The following TC2N variants were observed in gnomAD, a reference collection of about 807,000 sequenced individuals.
TC2N encodes the protein tandem C2 domains nuclear protein.
A neutral mutation model predicts 61.9 loss-of-function variants in TC2N; 51 were observed. That is an observed-to-expected ratio of 0.82 (90% CI 0.66 to 1.04). The LOEUF is 1.04. Among genes scored for constraint, TC2N ranks in the 50% least tolerant of loss-of-function variants. The pLI, the probability that TC2N is intolerant of heterozygous loss-of-function variation, is 0.00. For synonymous variants in TC2N, 204 were observed against 192.6 expected (o/e 1.06, Z -0.49); for missense variants, 556 against 566.7 (o/e 0.98, Z 0.19).
intron 1 of TC2N, among the ~76,000 whole-genome samples, chr14:91,816,937 G>A (rs1338102774): frequency 6.6e-6 from 1 of 151,706 alleles, no homozygotes; most frequent in Admixed American, 6.6e-5. Context: ...GTTATAACAT[G>A]TAGCAAGACA....
chr14:91,849,580 C>T (rs919638015), intron 1 of TC2N, among the ~76,000 whole-genome samples: 13 of 152,194 alleles, frequency 8.5e-5, no homozygotes, highest in Admixed American at 7.2e-4. Context: ...TAAGTTAATA[C>T]ATGTTTAGTT....
intron 10 of TC2N, among the ~76,000 whole-genome samples, chr14:91,786,596 C>T (rs1362816733): frequency 3.3e-5 from 5 of 152,130 alleles, no homozygotes; most frequent in Admixed American, 2.0e-4. Context: ...CTTTCAACTG[C>T]TGAATTTCTC....
chr14:91,825,472 T>C (rs566583472), intron 1 of TC2N, among the ~76,000 whole-genome samples: 1 of 152,292 alleles, frequency 6.6e-6, no homozygotes, highest in South Asian at 2.1e-4. Context: ...GCTGCTAAGG[T>C]CCTTCGTCTG....
At chr14:91,803,664 C>T (rs1350920175) in intron 3 of TC2N, among the ~76,000 whole-genome samples, 1 of 152,060 alleles carries the variant, frequency 6.6e-6, no homozygotes, top group Non-Finnish European at 1.5e-5. Flanking sequence ...ACCATGTTGG[C>T]CAGGCTGGTC....
At chr14:91,810,931 A>C (rs150744255) in intron 3 of TC2N, among the ~76,000 whole-genome samples, 269 of 152,262 alleles carry the variant, frequency 1.8e-3, no homozygotes, top group Non-Finnish European at 3.1e-3. Context: ...GTATAATCGG[A>C]ATCCCAGAAG....
rs563239400 is a variant in TC2N, at chr14:91,838,249, C to A, written c.-56-24424G>T. Among the ~76,000 whole-genome samples the A allele has an allele frequency of 4.6e-5, 7 of 151,228 alleles. No individual in the cohort carries two copies. The South Asian group carries it at 1.5e-3, about 32-fold the overall frequency. ...TCTCAAACTCCTGGGCTCCAGCCAT[C>A]CTCCCACCTCAGCCTCCCAAGTGTG... On this transcript the variant is annotated intron_variant, in intron 1 of 11. Transcript: ENST00000435962.
intron 5 of TC2N, among the ~76,000 whole-genome samples, chr14:91,799,742 AC>A (rs1410324211): frequency 6.6e-6 from 1 of 152,008 alleles, no homozygotes; most frequent in Non-Finnish European, 1.5e-5. Context: ...CATTGCACTT[AC>A]TCTGAGTTAT....
intron 1 of TC2N, among the ~76,000 whole-genome samples, chr14:91,843,976 G>A (rs1013578942): frequency 6.6e-5 from 10 of 152,062 alleles, no homozygotes; most frequent in Admixed American, 5.2e-4. Context: ...ATGATGTTGG[G>A]ATAGTTTTTG....
intron 1 of TC2N, among the ~76,000 whole-genome samples, chr14:91,858,036 G>T (rs2139924223): frequency 1.3e-5 from 2 of 152,184 alleles, no homozygotes; most frequent in East Asian, 3.9e-4. Flanking sequence ...TGCCATCATG[G>T]CTCATTGCAG....
At chr14:91,807,161 G>A (rs1307898016) in intron 3 of TC2N, among the ~76,000 whole-genome samples, 1 of 152,244 alleles carries the variant, frequency 6.6e-6, no homozygotes, top group East Asian at 1.9e-4. Context: ...ATGCCTGGAT[G>A]TCCAGGCAAA....
intron 10 of TC2N, 32 bp from the exon 11 acceptor site, chr14:91,785,393 G>T: frequency 6.4e-7 from 1 of 1,551,364 alleles, no homozygotes; most frequent in Non-Finnish European, 8.9e-7. Context: ...TTTATAAAAT[G>T]TTATTCAAAA....
intron 1 of TC2N, among the ~76,000 whole-genome samples, chr14:91,836,975 C>A (rs1483319949): frequency 6.6e-6 from 1 of 152,182 alleles, no homozygotes. Context: ...TCTATAAAGT[C>A]TTTGAGGATC....
chr14:91,802,507 A>C lies in TC2N; in HGVS notation c.302-86T>G, dbSNP rs542873066. ...CTGGTACACCCAGGGTAAAAGAAAA[A>C]ATATTTTGTCTCAAGTAATACTAAA... On this transcript the variant is annotated intron_variant, in intron 3 of 11. Transcript: ENST00000435962. 109 of 1,250,812 alleles carry C rather than the reference A, an allele frequency of 8.7e-5. No homozygotes were observed. The African/African-American group carries it at 1.6e-3, about 18-fold the overall frequency. The allele number at this position is 1,250,812 out of a possible 1,614,324, so 77.5% of individuals were successfully genotyped here.
intron 1 of TC2N, among the ~76,000 whole-genome samples, chr14:91,834,182 T>C (rs910249630): frequency 1.8e-4 from 27 of 152,174 alleles, no homozygotes; most frequent in African/African-American, 6.5e-4. Flanking sequence ...TCAGGTAAAA[T>C]AGAGTCCAAC....
intron 1 of TC2N, among the ~76,000 whole-genome samples, chr14:91,859,877 G>T (rs1888556699): frequency 6.6e-6 from 1 of 152,204 alleles, no homozygotes; most frequent in Non-Finnish European, 1.5e-5. Context: ...GGTTTGTTGG[G>T]GATGTGTTTG....
intron 1 of TC2N, among the ~76,000 whole-genome samples, chr14:91,839,946 A>G (rs1180006044): frequency 2.6e-5 from 4 of 152,218 alleles, no homozygotes; most frequent in African/African-American, 7.2e-5. Flanking sequence ...CTCCCCTTGC[A>G]TCTAGGTAAG....
chr14:91,821,264 G>C (rs184850538), intron 1 of TC2N, among the ~76,000 whole-genome samples: 1 of 151,964 alleles, frequency 6.6e-6, no homozygotes, highest in South Asian at 2.1e-4. Flanking sequence ...ATTAGTATAA[G>C]GACAGATAAA....
intron 1 of TC2N, among the ~76,000 whole-genome samples, chr14:91,835,989 G>T (rs1057329928): frequency 6.6e-6 from 1 of 152,060 alleles, no homozygotes; most frequent in Non-Finnish European, 1.5e-5. Context: ...TGGCCAGCGG[G>T]GACCTAGCCT....
At chr14:91,866,645 C>CAG (rs1888708879) in intron 1 of TC2N, 2 of 152,316 alleles carry the variant, frequency 1.3e-5, no homozygotes, top group East Asian at 3.9e-4. Context: ...TGGTACAAAG[C>CAG]AGAGGTCACT....
Sources: gnomAD v4.1 joint callset for allele counts (sites outside exome capture counted in the v4.1 genomes callset) on GRCh38, gnomAD v4.1.1 for gene constraint, MANE v1.5 for transcripts, NCBI Gene and HGNC (gene_info 2026-07-23, HGNC 2026-07-21) for gene names.